Variants in SAMD3 observed in about 807,000 individuals in gnomAD.
The protein encoded by SAMD3 is sterile alpha motif domain-containing protein 3.
SAMD3 carries 63 observed loss-of-function variants against 58.5 expected under a neutral mutation model. That is an observed-to-expected ratio of 1.08 (90% confidence interval 0.88 to 1.33). SAMD3 has a LOEUF of 1.33. SAMD3 is among the 40% of genes most tolerant of loss of function. The pLI, the probability that SAMD3 is intolerant of heterozygous loss-of-function variation, is 0.00. For missense variants in SAMD3, 604 were observed against 608.4 expected (o/e 0.99, Z 0.08); for synonymous variants, 220 against 210.3 (o/e 1.05, Z -0.40).
At chr6:130,308,438 C>A (rs191908360) in intron 2 of SAMD3, among the ~76,000 whole-genome samples, 60 of 138,136 alleles carry the variant, frequency 4.3e-4, no homozygotes, top group Non-Finnish European at 6.4e-4. Flanking sequence ...CTATTCTATT[C>A]TTTTGTGTGT....
At chr6:130,253,168 C>T (rs1199001329) in intron 2 of SAMD3, among the ~76,000 whole-genome samples, 3 of 152,264 alleles carry the variant, frequency 2.0e-5, no homozygotes, top group African/African-American at 7.2e-5. Context: ...CCAGCACATC[C>T]TTTTCTGGGA....
At chr6:130,360,202 A>C (rs2115045482) in intron 1 of SAMD3, among the ~76,000 whole-genome samples, 1 of 152,378 alleles carries the variant, frequency 6.6e-6, no homozygotes, top group Middle Eastern at 3.4e-3. Flanking sequence ...TTAAATGACT[A>C]TTGTTTACAG....
At chr6:130,276,024 G>A (rs941393657) in intron 2 of SAMD3, among the ~76,000 whole-genome samples, 2 of 152,134 alleles carry the variant, frequency 1.3e-5, no homozygotes, top group Non-Finnish European at 2.9e-5. Flanking sequence ...TTTTCCTGGT[G>A]GGCTTATGTA....
At chr6:130,253,808 A>G (rs977015830) in intron 2 of SAMD3, among the ~76,000 whole-genome samples, 33 of 151,620 alleles carry the variant, frequency 2.2e-4, no homozygotes, top group Admixed American at 2.2e-3. Context: ...TACCTCTTTT[A>G]TGTGATTTTT....
At position 130,144,683 on chromosome 6, in the gene SAMD3, G is replaced by C; in HGVS notation, c.1400C>G (p.Ala467Gly). The C allele has an allele frequency of 6.2e-7, 1 of 1,614,168 alleles. No homozygotes were observed. Among genetic ancestry groups the C allele is most frequent in the South Asian group, 1.1e-5 (1 of 91,086 alleles). The change falls in exon 12 of 12, where the codon GCT becomes GGT. Residue 467 changes from alanine to glycine, a missense_variant. Ala to Gly is a moderately conservative substitution (Grantham distance 60). Transcript: ENST00000439090. Reference sequence around the variant, plus strand: ...TACATGAAAGGCAGCTACTAGCGCAGCCAAGGCTGTAACACAGTCGTCCAC... The same window carrying C: ...TACATGAAAGGCAGCTACTAGCGCACCCAAGGCTGTAACACAGTCGTCCAC... ...TKVDDCVTAL[A>G]ALVAAFHVFR...
chr6:130,214,566 C>T lies in SAMD3; in HGVS notation c.80-40G>A, dbSNP rs114258820. 299 of 1,483,138 alleles carry T rather than the reference C, an allele frequency of 2.0e-4. 1 individual carries two copies. The African/African-American group carries it at 2.3e-3, about 12-fold the overall frequency. The allele number at this position is 1,483,138 out of a possible 1,614,324, so 91.9% of individuals were successfully genotyped here. A position where few individuals can be genotyped will look rare whatever the true frequency, so the allele number is the denominator to read the frequency against. ...AAAAATTAGTTTCTACATGACTTTC[C>T]GGCAAAACACAGGCATTCTGAAGAG... On this transcript the variant is annotated intron_variant, in intron 3 of 11. Coordinates refer to ENST00000439090, the MANE Select transcript of SAMD3 (RefSeq NM_001017373.4).
At chr6:130,175,136 A>G (rs1043872383) in intron 8 of SAMD3, among the ~76,000 whole-genome samples, 11 of 152,374 alleles carry the variant, frequency 7.2e-5, no homozygotes, top group Admixed American at 3.3e-4. Flanking sequence ...AAGAGATTTC[A>G]CTTTCATACT....
chr6:130,214,576 CA>C (rs1795872398), intron 3 of SAMD3, 50 bp from the exon 4 acceptor site: 1 of 1,452,276 alleles, frequency 6.9e-7, no homozygotes, highest in Admixed American at 2.2e-5. Flanking sequence ...CGGCAAAACA[CA>C]GGCATTCTGA....
intron 2 of SAMD3, among the ~76,000 whole-genome samples, chr6:130,276,771 T>C (rs1178305259): frequency 2.0e-5 from 3 of 152,130 alleles, no homozygotes; most frequent in Non-Finnish European, 4.4e-5. Context: ...CAGGAATTCA[T>C]TACTCATATC....
chr6:130,200,574 A>AG (rs1229487665), intron 5 of SAMD3, among the ~76,000 whole-genome samples: 2 of 151,310 alleles, frequency 1.3e-5, no homozygotes, highest in African/African-American at 2.4e-5. Flanking sequence ...AAAAAAAAAA[A>AG]AAAAGGGGAA....
At chr6:130,317,439 A>G (rs1257087471) in intron 1 of SAMD3, among the ~76,000 whole-genome samples, 2 of 152,242 alleles carry the variant, frequency 1.3e-5, no homozygotes, top group Non-Finnish European at 2.9e-5. Context: ...TACTATGTAT[A>G]TCTCTCCTAA....
intron 1 of SAMD3, among the ~76,000 whole-genome samples, chr6:130,319,655 G>T (rs936696309): frequency 2.6e-5 from 4 of 152,138 alleles, no homozygotes; most frequent in Non-Finnish European, 5.9e-5. Context: ...TAAGGCAAAT[G>T]ATGCTAGATG....
chr6:130,145,111 T>C (rs968715556), intron 11 of SAMD3, among the ~76,000 whole-genome samples: 3 of 151,998 alleles, frequency 2.0e-5, no homozygotes, highest in African/African-American at 4.8e-5. Context: ...ATACAAAAAT[T>C]AGCTGGGCGT....
intron 2 of SAMD3, among the ~76,000 whole-genome samples, chr6:130,276,481 T>C (rs963090222): frequency 2.6e-5 from 4 of 152,126 alleles, no homozygotes; most frequent in Admixed American, 6.5e-5. Context: ...TGGAATAATA[T>C]GAGTCTCTCA....
At chr6:130,267,964 TG>T (rs1774421633) in intron 2 of SAMD3, among the ~76,000 whole-genome samples, 1 of 152,230 alleles carries the variant, frequency 6.6e-6, no homozygotes, top group African/African-American at 2.4e-5. Context: ...TGGCTCATCC[TG>T]CTACAAAAGC....
intron 2 of SAMD3, among the ~76,000 whole-genome samples, chr6:130,294,909 AT>A (rs774036634): frequency 3.9e-4 from 22 of 56,148 alleles, no homozygotes; most frequent in South Asian, 5.7e-4. Context: ...CATTTCTCTG[AT>A]TTTTTTTTTT....
intron 7 of SAMD3, among the ~76,000 whole-genome samples, chr6:130,179,287 G>T (rs1262963000): frequency 6.6e-6 from 1 of 152,142 alleles, no homozygotes; most frequent in Non-Finnish European, 1.5e-5. Flanking sequence ...AGTTACTTAC[G>T]CAGACGCCTC....
chr6:130,193,976 C>T (rs562195961), intron 5 of SAMD3, among the ~76,000 whole-genome samples: 1 of 152,228 alleles, frequency 6.6e-6, no homozygotes, highest in East Asian at 1.9e-4. Context: ...TCCTTTTCTC[C>T]AGACCCATCT....
At chr6:130,256,583 A>T (rs1247490725) in intron 2 of SAMD3, among the ~76,000 whole-genome samples, 1 of 152,114 alleles carries the variant, frequency 6.6e-6, no homozygotes, top group East Asian at 1.9e-4. Context: ...ATGTCATTCC[A>T]CTTTTTAGCT....
Sources: allele counts gnomAD v4.1 joint callset (sites outside exome capture counted in the v4.1 genomes callset), GRCh38; gene constraint gnomAD v4.1.1; transcripts MANE v1.5; gene names NCBI Gene and HGNC (gene_info 2026-07-23, HGNC 2026-07-21).